GPM6A: variants seen among roughly 807,000 people sequenced by gnomAD.
GPM6A encodes the protein glycoprotein M6A.
A neutral mutation model predicts 32.1 loss-of-function variants in GPM6A; 7 were observed. The observed-to-expected ratio is 0.22, with a 90% CI of 0.12 to 0.41. The LOEUF (loss-of-function observed/expected upper bound fraction) is 0.41. GPM6A is among the 10% of genes least tolerant of loss of function. The pLI is 1.00. For synonymous variants in GPM6A, 130 were observed against 123.4 expected (o/e 1.05, Z -0.35); for missense variants, 235 against 347.2 (o/e 0.68, Z 2.57).
chr4:175,708,083 C>T (rs923336814), intron 1 of GPM6A, among the ~76,000 whole-genome samples: 7 of 152,082 alleles, frequency 4.6e-5, no homozygotes, highest in Non-Finnish European at 1.0e-4. Context: ...AGACACTATG[C>T]TAATTGCTGA....
intron 1 of GPM6A, among the ~76,000 whole-genome samples, chr4:175,936,153 A>C (rs138211895): frequency 0.061 from 9,166 of 151,400 alleles, 869 homozygotes; most frequent in African/African-American, 0.21. Flanking sequence ...AAAATTACAA[A>C]AAATTAGCTG....
intron 1 of GPM6A, among the ~76,000 whole-genome samples, chr4:175,909,843 T>C (rs559422147): frequency 1.3e-5 from 2 of 152,238 alleles, no homozygotes; most frequent in East Asian, 3.9e-4. Context: ...ATCATAAGTG[T>C]ATTTACAGTA....
intron 4 of GPM6A, among the ~76,000 whole-genome samples, chr4:175,647,695 G>A (rs187810805): frequency 1.3e-5 from 2 of 152,158 alleles, no homozygotes; most frequent in East Asian, 3.9e-4. Flanking sequence ...TCTGCAACAA[G>A]GGAAATTAAA....
intron 1 of GPM6A, among the ~76,000 whole-genome samples, chr4:175,770,903 C>G (rs1733161411): frequency 6.6e-6 from 1 of 152,174 alleles, no homozygotes; most frequent in Non-Finnish European, 1.5e-5. Flanking sequence ...TTACTTCATC[C>G]TCGGTGCATC....
At chr4:175,993,439 T>G (rs933793391) in intron 1 of GPM6A, among the ~76,000 whole-genome samples, 5 of 152,002 alleles carry the variant, frequency 3.3e-5, no homozygotes, top group African/African-American at 1.2e-4. Context: ...AGCTGAAAAG[T>G]CCTTCTTGCC....
chr4:175,905,268 G>GGTCA (rs1738094373), intron 1 of GPM6A, among the ~76,000 whole-genome samples: 1 of 152,138 alleles, frequency 6.6e-6, no homozygotes, highest in Non-Finnish European at 1.5e-5. Flanking sequence ...GCTGAGCCTA[G>GGTCA]GTCAAGCTTG....
chr4:175,890,552 TTTTA>T (rs1438632641), intron 1 of GPM6A, among the ~76,000 whole-genome samples: 2 of 151,496 alleles, frequency 1.3e-5, no homozygotes, highest in African/African-American at 2.4e-5. Flanking sequence ...TTTTATTTTA[TTTTA>T]TTTTATTATT....
At chr4:175,741,178 C>T (rs1731874490) in intron 1 of GPM6A, among the ~76,000 whole-genome samples, 1 of 151,964 alleles carries the variant, frequency 6.6e-6, no homozygotes, top group Non-Finnish European at 1.5e-5. Context: ...GGCTCAACAA[C>T]CACTCAATTT....
intron 1 of GPM6A, among the ~76,000 whole-genome samples, chr4:175,857,275 G>T (rs1736446224): frequency 6.6e-6 from 1 of 152,102 alleles, no homozygotes. Context: ...TAAAATGTAT[G>T]AGTACAGAAT....
chr4:175,922,162 G>T (rs1301224834), intron 1 of GPM6A, among the ~76,000 whole-genome samples: 1 of 152,178 alleles, frequency 6.6e-6, no homozygotes, highest in Non-Finnish European at 1.5e-5. Context: ...TGTGAAGATT[G>T]TAAGAGAAAA....
upstream of GPM6A, among the ~76,000 whole-genome samples, chr4:175,816,868 A>T (rs1166064577): frequency 3.3e-5 from 5 of 149,948 alleles, no homozygotes; most frequent in African/African-American, 2.5e-5. Context: ...TTTTATTTTT[A>T]TTTTTTTTTT....
chr4:175,933,915 C>T (rs1739140580), intron 1 of GPM6A, among the ~76,000 whole-genome samples: 1 of 152,158 alleles, frequency 6.6e-6, no homozygotes, highest in South Asian at 2.1e-4. Context: ...TGGAAAAATA[C>T]ACTGTGAATA....
intron 4 of GPM6A, among the ~76,000 whole-genome samples, chr4:175,644,451 C>T (rs1560847661): frequency 6.6e-6 from 1 of 151,690 alleles, no homozygotes; most frequent in Non-Finnish European, 1.5e-5. Flanking sequence ...TATATACACA[C>T]ACACGCACAC....
At chr4:175,931,925 A>G (rs913653669) in intron 1 of GPM6A, among the ~76,000 whole-genome samples, 1 of 151,892 alleles carries the variant, frequency 6.6e-6, no homozygotes, top group Non-Finnish European at 1.5e-5. Flanking sequence ...GCTACAAAAA[A>G]TAATAAATAA....
intron 4 of GPM6A, among the ~76,000 whole-genome samples, chr4:175,648,331 G>A (rs988264256): frequency 7.9e-5 from 12 of 152,194 alleles, no homozygotes; most frequent in East Asian, 5.8e-4. Context: ...CCTTAACTCC[G>A]GAACTTGTAC....
chr4:175,687,179 A>C (rs73020146), intron 2 of GPM6A, among the ~76,000 whole-genome samples: 107 of 152,328 alleles, frequency 7.0e-4, no homozygotes, highest in African/African-American at 2.3e-3. Context: ...TGCAGTAAAT[A>C]ACACAGAATA....
chr4:175,710,874 G>T (rs375927447), intron 1 of GPM6A, among the ~76,000 whole-genome samples: 1 of 152,120 alleles, frequency 6.6e-6, no homozygotes, highest in Non-Finnish European at 1.5e-5. Context: ...TATGCTGTGT[G>T]TTCCAACTTG....
At chr4:175,895,668 G>A (rs1186977942) in intron 1 of GPM6A, among the ~76,000 whole-genome samples, 1 of 152,152 alleles carries the variant, frequency 6.6e-6, no homozygotes, top group Non-Finnish European at 1.5e-5. Flanking sequence ...AGTCTCAACT[G>A]TAGAAGATAC....
At chr4:175,708,669 G>C (rs1560888223) in intron 1 of GPM6A, among the ~76,000 whole-genome samples, 1 of 152,186 alleles carries the variant, frequency 6.6e-6, no homozygotes, top group Non-Finnish European at 1.5e-5. Context: ...AGGCAGGTAT[G>C]TGTCTAGAGT....
Sources: allele counts gnomAD v4.1 joint callset (sites outside exome capture counted in the v4.1 genomes callset), GRCh38; gene constraint gnomAD v4.1.1; transcripts MANE v1.5; gene names NCBI Gene and HGNC (gene_info 2026-07-23, HGNC 2026-07-21).